LRRC4C: variants seen among roughly 807,000 people sequenced by gnomAD.
LRRC4C encodes leucine rich repeat containing 4C.
LRRC4C carries 5 observed loss-of-function variants against 33.6 expected under a neutral mutation model. The ratio of observed to expected loss-of-function variants is 0.15; its 90% CI spans 0.08 to 0.31. LRRC4C has a LOEUF of 0.31. Ranked by LOEUF, LRRC4C falls within the 10% of genes least tolerant of loss-of-function variation. LRRC4C has a pLI of 1.00. For missense variants in LRRC4C, 560 were observed against 796.7 expected, an observed-to-expected ratio of 0.70 and a Z score of 3.58; for synonymous variants, 329 against 302.0, an observed-to-expected ratio of 1.09 and a Z score of -0.93.
chr11:41,237,980 C>T (rs923994727), intron 1 of LRRC4C, among the ~76,000 whole-genome samples: 1 of 152,116 alleles, frequency 6.6e-6, no homozygotes, highest in Non-Finnish European at 1.5e-5. Context: ...ACCTTGAATA[C>T]CCATCTTTAA....
chr11:40,259,312 C>T (rs376295856), intron 4 of LRRC4C, among the ~76,000 whole-genome samples: 31 of 151,872 alleles, frequency 2.0e-4, no homozygotes, highest in African/African-American at 5.8e-4. Flanking sequence ...TGGATATTAG[C>T]CCTTTGTCAG....
intron 1 of LRRC4C, among the ~76,000 whole-genome samples, chr11:41,018,041 T>A (rs1043668758): frequency 2.0e-5 from 3 of 147,226 alleles, no homozygotes; most frequent in Non-Finnish European, 4.5e-5. Flanking sequence ...TTCTACAATG[T>A]TTTCTCAAAG....
At chr11:40,991,204 T>TAAAAA (rs1186155913) in intron 1 of LRRC4C, among the ~76,000 whole-genome samples, 1 of 103,340 alleles carries the variant, frequency 9.7e-6, no homozygotes, top group African/African-American at 3.8e-5. Context: ...TCCCAATATG[T>TAAAAA]AAAAAAAAAA....
At chr11:41,312,897 G>A (rs181506555) in intron 1 of LRRC4C, among the ~76,000 whole-genome samples, 3 of 152,258 alleles carry the variant, frequency 2.0e-5, no homozygotes, top group Non-Finnish European at 4.4e-5. Flanking sequence ...TACATAAAAC[G>A]CTTCCATCAA....
chr11:40,954,983 A>G lies in LRRC4C; in HGVS notation c.-495-21260T>C, dbSNP rs916510332. ...CACCTCGTGCTTTTGTATCTTCCCA[A>G]TTCTCAAAACTGTATTGCTTTCCTT... On this transcript the variant is annotated intron_variant, in intron 1 of 6. Coordinates refer to ENST00000528697, the MANE Select transcript of LRRC4C (RefSeq NM_001258419.2). Among the ~76,000 whole-genome samples, 16 of 151,888 alleles carry G rather than the reference A, an allele frequency of 1.1e-4. No individual in the cohort carries two copies. In the East Asian group the frequency reaches 3.1e-3, roughly 30 times the overall value.
chr11:41,303,941 A>C (rs1335286585), intron 1 of LRRC4C, among the ~76,000 whole-genome samples: 2 of 84,812 alleles, frequency 2.4e-5, no homozygotes, highest in African/African-American at 3.7e-5. Flanking sequence ...CAGCCACCCC[A>C]TCTGGGAAGT....
chr11:40,227,959 C>T (rs1461382141), intron 5 of LRRC4C, among the ~76,000 whole-genome samples: 1 of 152,160 alleles, frequency 6.6e-6, no homozygotes, highest in African/African-American at 2.4e-5. Flanking sequence ...GAGCAATCTG[C>T]ATGACAGTTT....
chr11:41,382,473 T>C (rs576657041), intron 1 of LRRC4C, among the ~76,000 whole-genome samples: 29 of 152,206 alleles, frequency 1.9e-4, no homozygotes, highest in African/African-American at 6.7e-4. Context: ...GGGATTTTTG[T>C]CTATGTTCAC....
intron 1 of LRRC4C, among the ~76,000 whole-genome samples, chr11:41,248,174 CAAAT>C (rs1821013826): frequency 6.6e-6 from 1 of 152,154 alleles, no homozygotes; most frequent in Non-Finnish European, 1.5e-5. Context: ...AATAAACTAA[CAAAT>C]ATTCTCTTGT....
At chr11:40,258,960 G>A (rs1157601162) in intron 4 of LRRC4C, among the ~76,000 whole-genome samples, 1 of 152,094 alleles carries the variant, frequency 6.6e-6, no homozygotes, top group African/African-American at 2.4e-5. Context: ...TAGCTAAATG[G>A]CATCAGAGGC....
At chr11:41,391,484 A>G (rs1021135234) in intron 1 of LRRC4C, among the ~76,000 whole-genome samples, 1 of 151,946 alleles carries the variant, frequency 6.6e-6, no homozygotes, top group African/African-American at 2.4e-5. Flanking sequence ...GAGTAATTCT[A>G]CAAATATGTA....
At chr11:40,779,453 T>C (rs554427743) in intron 2 of LRRC4C, among the ~76,000 whole-genome samples, 2 of 152,178 alleles carry the variant, frequency 1.3e-5, no homozygotes, top group Admixed American at 1.3e-4. Flanking sequence ...AATTGAAATA[T>C]AAATCAGAGA....
At chr11:41,112,353 T>C (rs1273446379) in intron 1 of LRRC4C, among the ~76,000 whole-genome samples, 1 of 152,060 alleles carries the variant, frequency 6.6e-6, no homozygotes, top group African/African-American at 2.4e-5. Context: ...CAGCCCAAGA[T>C]AGGAAAGCTC....
intron 2 of LRRC4C, among the ~76,000 whole-genome samples, chr11:40,912,420 C>T (rs1371121501): frequency 6.6e-6 from 1 of 152,150 alleles, no homozygotes; most frequent in African/African-American, 2.4e-5. Flanking sequence ...GAATTTCCAA[C>T]CCAGAATTTC....
At chr11:40,899,850 A>G (rs1956130683) in intron 2 of LRRC4C, among the ~76,000 whole-genome samples, 2 of 152,188 alleles carry the variant, frequency 1.3e-5, no homozygotes, top group Admixed American at 1.3e-4. Flanking sequence ...ATGTTTGATC[A>G]TTTGGTTTAA....
chr11:41,110,829 C>T (rs1435776900), intron 1 of LRRC4C, among the ~76,000 whole-genome samples: 2 of 151,888 alleles, frequency 1.3e-5, no homozygotes, highest in African/African-American at 4.8e-5. Context: ...AATTCAAATT[C>T]AGCATTTTTA....
At chr11:41,167,942 AC>A (rs1944802749) in intron 1 of LRRC4C, among the ~76,000 whole-genome samples, 1 of 152,242 alleles carries the variant, frequency 6.6e-6, no homozygotes, top group Admixed American at 6.5e-5. Context: ...GAAATTGACT[AC>A]CTGATAAAAA....
intron 3 of LRRC4C, among the ~76,000 whole-genome samples, chr11:40,531,353 G>A (rs1047390799): frequency 1.3e-5 from 2 of 152,098 alleles, no homozygotes; most frequent in African/African-American, 4.8e-5. Context: ...AGATACCAGG[G>A]ATTTGAAATT....
chr11:41,050,203 T>C (rs1217435259), intron 1 of LRRC4C, among the ~76,000 whole-genome samples: 3 of 152,180 alleles, frequency 2.0e-5, no homozygotes, highest in Admixed American at 1.3e-4. Flanking sequence ...TCTGTGGCCA[T>C]GAAAAATTTA....
Sources: gnomAD v4.1 joint callset for allele counts (sites outside exome capture counted in the v4.1 genomes callset) on GRCh38, gnomAD v4.1.1 for gene constraint, MANE v1.5 for transcripts, NCBI Gene and HGNC (gene_info 2026-07-23, HGNC 2026-07-21) for gene names.